COL14A1: variants seen among roughly 807,000 people sequenced by gnomAD.
COL14A1 encodes collagen alpha-1(XIV) chain.
COL14A1 carries 136 observed loss-of-function variants against 230.3 expected under a neutral mutation model. The ratio of observed to expected loss-of-function variants is 0.59; its 90% CI spans 0.51 to 0.68. The LOEUF (loss-of-function observed/expected upper bound fraction) is 0.68, where lower values mean the gene tolerates loss of function less well. COL14A1 is among the 30% of genes least tolerant of loss of function. The probability of loss-of-function intolerance (pLI) is 0.00; values close to 1 mark genes in which losing one functional copy is unlikely to be tolerated. For synonymous variants in COL14A1, 792 were observed against 784.1 expected (o/e 1.01, Z -0.17); for missense variants, 1,976 against 2,215.8 (o/e 0.89, Z 2.17).
intron 4 of COL14A1, among the ~76,000 whole-genome samples, chr8:120,163,915 A>G (rs1479710579): frequency 6.6e-6 from 1 of 152,158 alleles, no homozygotes; most frequent in Admixed American, 6.6e-5. Context: ...GCACTTGGGC[A>G]CATGACAAAT....
chr8:120,301,294 C>A (rs1460093875), intron 36 of COL14A1, among the ~76,000 whole-genome samples: 1 of 152,042 alleles, frequency 6.6e-6, no homozygotes, highest in Admixed American at 6.6e-5. Flanking sequence ...CAGATTATTT[C>A]ATCACCCAAG....
At chr8:120,310,201 C>A (rs1019304523) in intron 37 of COL14A1, 139 bp downstream of exon 37, 15 of 729,644 alleles carry the variant, frequency 2.1e-5, no homozygotes, top group Non-Finnish European at 3.0e-5. Flanking sequence ...TTGTGCCTAA[C>A]CCTTCTTCCT....
chr8:120,212,661 G>A (rs1817647438), intron 13 of COL14A1, 84 bp downstream of exon 13: 1 of 1,480,898 alleles, frequency 6.8e-7, no homozygotes, highest in Non-Finnish European at 9.3e-7. Context: ...TACTAGTTTT[G>A]TTGAAACCTC....
chr8:120,269,278 C>T (rs1262003019), intron 25 of COL14A1, among the ~76,000 whole-genome samples: 1 of 151,724 alleles, frequency 6.6e-6, no homozygotes, highest in Non-Finnish European at 1.5e-5. Flanking sequence ...TCTGAAATAG[C>T]ACATGATACC....
chr8:120,251,676 A>G (rs1173292622), intron 22 of COL14A1, among the ~76,000 whole-genome samples: 4 of 152,202 alleles, frequency 2.6e-5, no homozygotes, highest in Admixed American at 1.3e-4. Flanking sequence ...TTTGACCTAA[A>G]TACTTTTCAA....
At chr8:120,296,331 A>G (rs990705277) in intron 34 of COL14A1, among the ~76,000 whole-genome samples, 2 of 152,024 alleles carry the variant, frequency 1.3e-5, no homozygotes, top group African/African-American at 4.8e-5. Context: ...GCAATAAGGC[A>G]TAATTACTTG....
intron 31 of COL14A1, among the ~76,000 whole-genome samples, chr8:120,283,205 G>T (rs1384421569): frequency 1.3e-5 from 2 of 152,088 alleles, no homozygotes; most frequent in African/African-American, 2.4e-5. Context: ...GAATGCAATT[G>T]ACTACAATAT....
At chr8:120,269,809 A>G (rs956738741) in intron 25 of COL14A1, among the ~76,000 whole-genome samples, 5 of 151,618 alleles carry the variant, frequency 3.3e-5, no homozygotes, top group African/African-American at 1.2e-4. Flanking sequence ...TTCCACACGG[A>G]TAATAGAAGC....
intron 45 of COL14A1, among the ~76,000 whole-genome samples, chr8:120,347,702 G>A (rs926306752): frequency 6.6e-6 from 1 of 152,178 alleles, no homozygotes; most frequent in Non-Finnish European, 1.5e-5. Flanking sequence ...AGCATATGAA[G>A]ATATTGAAGT....
Position 120,319,752 on chromosome 8 carries a change from A to G in COL14A1, c.4659+3755A>G, listed in dbSNP as rs371317220. On this transcript the variant is annotated intron_variant, in intron 40 of 47. Transcript: ENST00000297848. ...TTTATTCAACTCTGGGCCTGAGGCC[A>G]TAAGCAAGTCTGGTAAAAACTGAAC... Among the ~76,000 whole-genome samples, 57 of 152,384 alleles carry G rather than the reference A, an allele frequency of 3.7e-4. No individual in the cohort carries two copies. In the South Asian group the frequency reaches 0.011, roughly 30 times the overall value.
rs1425705797 is a variant in COL14A1, at chr8:120,326,852, C to A, written c.4660-5289C>A. ...ACCAGCCTGGCCAACATGGCGAAAT[C>A]CTGTCTCTACAAAAAATACAAAAAT... On this transcript the variant is annotated intron_variant, in intron 40 of 47. Coordinates refer to ENST00000297848, the MANE Select transcript of COL14A1 (RefSeq NM_021110.4). Among the ~76,000 whole-genome samples the A allele has an allele frequency of 1.3e-5, 2 of 152,020 alleles. 1 individual carries two copies. The highest frequency in any genetic ancestry group is 2.9e-5 in the Non-Finnish European group (2 of 68,002).
At chr8:120,242,999 G>C (rs1219491051) in intron 19 of COL14A1, among the ~76,000 whole-genome samples, 1 of 152,140 alleles carries the variant, frequency 6.6e-6, no homozygotes, top group African/African-American at 2.4e-5. Context: ...CCTTAAACCC[G>C]TTTGAGTCAG....
chr8:120,216,257 C>T (rs1158207774), intron 13 of COL14A1, 94 bp from the exon 14 acceptor site: 34 of 990,472 alleles, frequency 3.4e-5, no homozygotes, highest in Non-Finnish European at 4.7e-5. Context: ...TGACACTTTT[C>T]ATATGTAAAT....
At chr8:120,135,646 A>G (rs1211828232) in intron 1 of COL14A1, among the ~76,000 whole-genome samples, 2 of 152,154 alleles carry the variant, frequency 1.3e-5, no homozygotes, top group Admixed American at 1.3e-4. Context: ...ATATTTGTCC[A>G]TGACTTTTTT....
intron 14 of COL14A1, among the ~76,000 whole-genome samples, chr8:120,221,052 C>T (rs1817919804): frequency 6.6e-6 from 1 of 152,138 alleles, no homozygotes; most frequent in Admixed American, 6.5e-5. Flanking sequence ...GTAGCATTTA[C>T]TGTGAAAGGA....
intron 40 of COL14A1, among the ~76,000 whole-genome samples, chr8:120,329,734 T>C (rs1821804512): frequency 6.6e-6 from 1 of 152,222 alleles, no homozygotes; most frequent in Non-Finnish European, 1.5e-5. Flanking sequence ...ACTAATATTT[T>C]TGAGTGAAGT....
At chr8:120,210,496 T>C (rs964648363) in intron 12 of COL14A1, among the ~76,000 whole-genome samples, 3 of 152,178 alleles carry the variant, frequency 2.0e-5, no homozygotes, top group African/African-American at 7.2e-5. Context: ...CTGAATTAAG[T>C]TTTTTCTTAC....
chr8:120,333,880 A>T (rs1328018514), intron 42 of COL14A1, among the ~76,000 whole-genome samples: 5 of 152,192 alleles, frequency 3.3e-5, no homozygotes, highest in African/African-American at 1.2e-4. Flanking sequence ...CTCTGACAAC[A>T]GCCAGGAAAG....
intron 4 of COL14A1, among the ~76,000 whole-genome samples, chr8:120,163,720 G>A (rs768869547): frequency 1.1e-4 from 16 of 152,202 alleles, no homozygotes; most frequent in South Asian, 8.3e-4. Flanking sequence ...CCGAGATTGC[G>A]CCATCGCCCT....
Sources: gnomAD v4.1 joint callset for allele counts (sites outside exome capture counted in the v4.1 genomes callset) on GRCh38, gnomAD v4.1.1 for gene constraint, MANE v1.5 for transcripts, NCBI Gene and HGNC (gene_info 2026-07-23, HGNC 2026-07-21) for gene names.